Variants in TTLL2 observed in about 807,000 individuals in gnomAD.
The protein encoded by TTLL2 is probable tubulin polyglutamylase TTLL2.
TTLL2 carries 10 observed loss-of-function variants against 7.5 expected under a neutral mutation model. The observed-to-expected ratio is 1.33, with a 90% CI of 0.82 to 2.25. The LOEUF is 2.25. Among genes scored for constraint, TTLL2 ranks in the 30% most tolerant of loss-of-function variants. The pLI is 0.00. For synonymous variants in TTLL2, 284 were observed against 280.3 expected (o/e 1.01, Z -0.13); for missense variants, 733 against 735.7 (o/e 1.00, Z 0.04).
chr6:167,338,644 C>T lies in TTLL2; in HGVS notation c.48-3C>T, dbSNP rs1779024603. The T allele has an allele frequency of 6.2e-7, 1 of 1,611,688 alleles. No homozygotes were observed. Among genetic ancestry groups the T allele is most frequent in the Non-Finnish European group, 8.5e-7 (1 of 1,178,562 alleles). The stretch of plus-strand genomic sequence containing the variant: ...TTCATTGTTGATGCTGCTTTGTTCA[C>T]AGATCTTTGAGAACCACCACCCCAG... On this transcript the variant is annotated splice_polypyrimidine_tract_variant and splice_region_variant and intron_variant, in intron 1 of 2. Transcript: ENST00000239587.
chr6:167,327,711 G>T (rs539068600), intron 1 of TTLL2, among the ~76,000 whole-genome samples: 1 of 152,104 alleles, frequency 6.6e-6, no homozygotes, highest in Non-Finnish European at 1.5e-5. Context: ...CAAGAGAAAC[G>T]GAAACATACA....
chr6:167,326,579 G>T (rs554913676), intron 1 of TTLL2, among the ~76,000 whole-genome samples: 1 of 152,096 alleles, frequency 6.6e-6, no homozygotes, highest in Non-Finnish European at 1.5e-5. Context: ...GCTACTGTGC[G>T]TTCCTACCCA....
At chr6:167,339,054 T>TTCCC (rs1020023169) in intron 2 of TTLL2, among the ~76,000 whole-genome samples, 3 of 149,108 alleles carry the variant, frequency 2.0e-5, no homozygotes, top group South Asian at 4.5e-4. Context: ...CCTTCCTTCC[T>TTCCC]TCCCTCCCTC....
Position 167,341,152 on chromosome 6 carries a change from A to C in TTLL2, c.1252A>C (p.Asn418His), listed in dbSNP as rs1409320223. 1.2e-6 allele frequency: 2 copies of C among 1,613,730 alleles called. No individual in the cohort carries two copies. The highest frequency in any genetic ancestry group is 1.7e-5 in the Admixed American group (1 of 59,958). The change falls in exon 3 of 3, where the codon AAT (asparagine) becomes CAT (histidine). Residue 418 changes from asparagine (N) to histidine (H), a missense_variant. Physicochemically the swap from Asn to His is moderately conservative, Grantham distance 68. Transcript: ENST00000239587. ...TGATATTATTGACCTGATTTACTTA[A>C]ATGGTCTAAGAAATGAGGGGAGAGA... ...VHDIIDLIYL[N>H]GLRNEGREAS...
rs769720270 is a variant in TTLL2, at chr6:167,325,220, G to A, written c.47G>A (p.Gly16Glu). 6.4e-7 allele frequency: 1 copy of A among 1,569,842 alleles called. No homozygotes were observed. Among genetic ancestry groups the A allele is most frequent in the South Asian group, 1.2e-5 (1 of 85,034 alleles). ...LCSSTQSQAL[G>E]SLRTTTPAFT... Reference sequence around the variant, plus strand: ...TCCTCCACACAAAGCCAGGCGCTGGGGTAAGCGTAGGAGGCGACACGTAGG... The same window carrying A: ...TCCTCCACACAAAGCCAGGCGCTGGAGTAAGCGTAGGAGGCGACACGTAGG... The change falls in exon 1 of 3, where the codon GGA (glycine) becomes GAA (glutamate). Residue 16 changes from glycine to glutamate, a missense_variant and splice_region_variant. Coordinates refer to ENST00000239587, the MANE Select transcript of TTLL2 (RefSeq NM_031949.5).
Position 167,341,758 on chromosome 6 carries a change from C to T in TTLL2, c.*79C>T, listed in dbSNP as rs1779101457. On this transcript the variant is annotated 3_prime_UTR_variant, in exon 3 of 3. Transcript: ENST00000239587. ...TCCTGTCCTAGAGAAAGCAATAGTT[C>T]AAGTCCCTACCTGTGCCACCAGCAT... is the stretch of plus-strand genomic sequence containing the variant. 1 of 1,429,944 alleles carries T rather than the reference C, an allele frequency of 7.0e-7. No homozygotes were observed. Among genetic ancestry groups the T allele is most frequent in the South Asian group, 1.5e-5 (1 of 67,952 alleles). The allele number at this position is 1,429,944 out of a possible 1,614,324, so 88.6% of individuals were successfully genotyped here. A position where few individuals can be genotyped will look rare whatever the true frequency, so the allele number is the denominator to read the frequency against.
At chr6:167,330,136 T>A (rs1248538141) in intron 1 of TTLL2, among the ~76,000 whole-genome samples, 1 of 152,208 alleles carries the variant, frequency 6.6e-6, no homozygotes, top group Admixed American at 6.5e-5. Flanking sequence ...ATAAATCTCC[T>A]GGCTTCCGAC....
At chr6:167,328,365 C>A in intron 1 of TTLL2, 1 of 316,680 alleles carries the variant, frequency 3.2e-6, no homozygotes, top group Non-Finnish European at 6.3e-6. Flanking sequence ...GGGCCCCATA[C>A]ACCCAGGAAT....
At chr6:167,338,922 CCTT>C (rs1779032582) in intron 2 of TTLL2, 119 bp downstream of exon 2, 3 of 1,043,548 alleles carry the variant, frequency 2.9e-6, no homozygotes, top group Non-Finnish European at 4.0e-6. Context: ...TTTCTTTCCT[CCTT>C]CTCTCCTTCC....
Position 167,340,904 on chromosome 6 carries a change from A to T in TTLL2, c.1004A>T (p.Asp335Val). ...SRFFSYLRSW[D>V]VDDLLLWKKI... Reference sequence around the variant, plus strand: ...TTTTTTTCCTACCTTCGTAGCTGGGATGTGGACGATCTGCTTTTGTGGAAG... The same window carrying T: ...TTTTTTTCCTACCTTCGTAGCTGGGTTGTGGACGATCTGCTTTTGTGGAAG... The change falls in exon 3 of 3, where the codon GAT (aspartate) becomes GTT (valine). Residue 335 changes from aspartate (D) to valine (V), a missense_variant. Physicochemically the swap from Asp to Val is radical, Grantham distance 152. Transcript: ENST00000239587. 1.9e-6 allele frequency: 3 copies of T among 1,614,072 alleles called. No individual in the cohort carries two copies. Among genetic ancestry groups the T allele is most frequent in the Non-Finnish European group, 2.5e-6 (3 of 1,180,016 alleles).
chr6:167,338,839 C>G (rs761940823), intron 2 of TTLL2, 36 bp downstream of exon 2: 3 of 1,389,786 alleles, frequency 2.2e-6, no homozygotes. Context: ...TTCCTTCCTT[C>G]CTTCCTTCCT....
Position 167,341,147 on chromosome 6 carries a change from A to T in TTLL2, c.1247A>T (p.Tyr416Phe), listed in dbSNP as rs1779086383. Residue 416 changes from tyrosine to phenylalanine, a missense_variant, in exon 3 of 3, where the codon TAC becomes TTC. Physicochemically the swap from Tyr to Phe is conservative, Grantham distance 22. Transcript: ENST00000239587. ...KLVHDIIDLI[Y>F]LNGLRNEGRE... ...GTCCATGATATTATTGACCTGATTT[A>T]CTTAAATGGTCTAAGAAATGAGGGG... 1.2e-6 allele frequency: 2 copies of T among 1,613,774 alleles called. No individual in the cohort carries two copies.
intron 1 of TTLL2, 89 bp downstream of exon 1, chr6:167,325,309 C>A: frequency 7.5e-7 from 1 of 1,329,240 alleles, no homozygotes; most frequent in Non-Finnish European, 1.0e-6. Flanking sequence ...AGCACAGGGG[C>A]CAGGGTCACT....
chr6:167,330,281 G>C (rs1778904502), intron 1 of TTLL2, among the ~76,000 whole-genome samples: 1 of 152,170 alleles, frequency 6.6e-6, no homozygotes, highest in African/African-American at 2.4e-5. Flanking sequence ...GTACTGGCCA[G>C]GTGCAGTGGC....
intron 1 of TTLL2, among the ~76,000 whole-genome samples, chr6:167,336,132 G>T (rs962090296): frequency 6.6e-6 from 1 of 151,986 alleles, no homozygotes; most frequent in Non-Finnish European, 1.5e-5. Context: ...CCTCTTGGAT[G>T]AACTGTTTCC....
intron 1 of TTLL2, chr6:167,328,129 T>C (rs1001936132): frequency 1.1e-5 from 5 of 455,994 alleles, no homozygotes; most frequent in African/African-American, 6.0e-5. Flanking sequence ...AAAGATAAAA[T>C]GTGAAGAAAA....
Position 167,341,479 on chromosome 6 carries a change from C to T in TTLL2, c.1579C>T (p.Leu527Phe). 4.3e-6 allele frequency: 7 copies of T among 1,614,134 alleles called. No homozygotes were observed. The highest frequency in any genetic ancestry group is 5.1e-6 in the Non-Finnish European group (6 of 1,180,044). The change falls in exon 3 of 3, where the codon CTC (leucine) becomes TTC (phenylalanine). Residue 527 changes from leucine to phenylalanine, a missense_variant. By Grantham distance (22) the Leu-to-Phe change is conservative. Transcript: ENST00000239587. ...PHKTLMPYAS[L>F]FQSHSCKTKT... is the part of the protein sequence containing the mutation. ...CAAGACACTCATGCCCTACGCGTCCCTCTTCCAGTCGCACTCCTGCAAGAC... is the reference window on the plus strand; with the variant it reads ...CAAGACACTCATGCCCTACGCGTCCTTCTTCCAGTCGCACTCCTGCAAGAC...
In TTLL2 at chr6:167,340,384, C is replaced by T; in HGVS notation, c.484C>T (p.His162Tyr). Residue 162 changes from histidine to tyrosine, a missense_variant, in exon 3 of 3, where the codon CAC becomes TAC. By Grantham distance (83) the His-to-Tyr change is moderately conservative (BLOSUM62 2). Coordinates refer to ENST00000239587, the MANE Select transcript of TTLL2 (RefSeq NM_031949.5). ...TACCAGGAAAGACTGTTTGGCCAAA[C>T]ACCTGAAGCACATGAGGAGGATGTA... Reference protein sequence around the residue: ...KLTRKDCLAKHLKHMRRMYGT... With the variant: ...KLTRKDCLAKYLKHMRRMYGT... 1.2e-6 allele frequency: 2 copies of T among 1,614,222 alleles called. No individual in the cohort carries two copies. Among genetic ancestry groups the T allele is most frequent in the South Asian group, 2.2e-5 (2 of 91,086 alleles).
At position 167,340,356 on chromosome 6, in the gene TTLL2, G is replaced by A. The variant is rs1315383417; in HGVS notation, c.456G>A (p.Lys152=). 2 of 1,614,056 alleles carry A rather than the reference G, an allele frequency of 1.2e-6. No individual in the cohort carries two copies. Among genetic ancestry groups the A allele is most frequent in the South Asian group, 2.2e-5 (2 of 91,084 alleles). The change falls in exon 3 of 3, where the codon AAG becomes AAA. Residue 152 remains lysine (K), a synonymous_variant. Coordinates refer to ENST00000239587, the MANE Select transcript of TTLL2 (RefSeq NM_031949.5). ...QQLNHHPGTT[K]LTRKDCLAKH... is the part of the protein sequence containing the mutation. The stretch of plus-strand genomic sequence containing the variant: ...TAAACCACCACCCTGGAACCACCAA[G>A]CTTACCAGGAAAGACTGTTTGGCCA...
Sources: allele counts gnomAD v4.1 joint callset (sites outside exome capture counted in the v4.1 genomes callset), GRCh38; gene constraint gnomAD v4.1.1; transcripts MANE v1.5; gene names NCBI Gene and HGNC (gene_info 2026-07-23, HGNC 2026-07-21).